Variants in CCSER1 observed in about 807,000 individuals in gnomAD.
The protein encoded by CCSER1 is serine-rich coiled-coil domain-containing protein 1.
CCSER1 carries 41 observed loss-of-function variants against 82.0 expected under a neutral mutation model. That is an observed-to-expected ratio of 0.50 (90% CI 0.39 to 0.65). The LOEUF is 0.65. CCSER1 is among the 30% of genes least tolerant of loss of function. The probability of loss-of-function intolerance (pLI) is 0.00; values close to 1 mark genes in which losing one functional copy is unlikely to be tolerated. For synonymous variants in CCSER1, 414 were observed against 383.9 expected (o/e 1.08, Z -0.92); for missense variants, 1,119 against 1,064.2 (o/e 1.05, Z -0.72).
chr4:90,227,630 G>T (rs1010139690), intron 1 of CCSER1, among the ~76,000 whole-genome samples: 1 of 152,284 alleles, frequency 6.6e-6, no homozygotes, highest in Admixed American at 6.5e-5. Flanking sequence ...CAAGATGGCC[G>T]AATAGGAACA....
chr4:90,437,460 T>C (rs1456057831), intron 4 of CCSER1, among the ~76,000 whole-genome samples: 1 of 152,166 alleles, frequency 6.6e-6, no homozygotes, highest in Non-Finnish European at 1.5e-5. Flanking sequence ...AGCAAAAAAC[T>C]TAAATTTAGA....
chr4:90,458,007 C>A (rs1762405672), intron 4 of CCSER1, among the ~76,000 whole-genome samples: 1 of 152,182 alleles, frequency 6.6e-6, no homozygotes, highest in Non-Finnish European at 1.5e-5. Context: ...TGTGCATACC[C>A]AGCAGGGTCA....
intron 6 of CCSER1, among the ~76,000 whole-genome samples, chr4:90,708,627 ATTAT>A (rs1397406632): frequency 6.6e-6 from 1 of 152,078 alleles, no homozygotes; most frequent in Non-Finnish European, 1.5e-5. Context: ...CTTTGTCTTT[ATTAT>A]TTATTTATGT....
At chr4:91,264,239 CT>C (rs1280030483) in intron 10 of CCSER1, among the ~76,000 whole-genome samples, 5 of 151,638 alleles carry the variant, frequency 3.3e-5, no homozygotes, top group African/African-American at 1.2e-4. Flanking sequence ...GTGCTGCCAT[CT>C]TTGCTTGAGT....
chr4:91,133,275 T>C lies in CCSER1; in HGVS notation c.2217+47281T>C, dbSNP rs959371185. 2.6e-5 allele frequency among the ~76,000 whole-genome samples: 4 copies of C among 152,158 alleles called. No individual in the cohort carries two copies. The South Asian group carries it at 8.3e-4, about 31-fold the overall frequency. On this transcript the variant is annotated intron_variant, in intron 10 of 10. Transcript: ENST00000509176. ...TTTTTCTTGTTTTCTTTCCTTTTTC[T>C]TTCATTCCTTTGAAGTAGGGTCTGG...
intron 10 of CCSER1, among the ~76,000 whole-genome samples, chr4:91,349,596 T>C (rs188736923): frequency 6.6e-6 from 1 of 152,316 alleles, no homozygotes; most frequent in East Asian, 1.9e-4. Flanking sequence ...GTTTGTTTAC[T>C]TTATGGTAAA....
At chr4:90,582,003 A>AT (rs573573963) in intron 5 of CCSER1, among the ~76,000 whole-genome samples, 44 of 151,640 alleles carry the variant, frequency 2.9e-4, no homozygotes, top group South Asian at 2.7e-3. Context: ...TAGCTGAGTG[A>AT]TTTTTTTCTT....
intron 1 of CCSER1, among the ~76,000 whole-genome samples, chr4:90,250,405 G>A (rs1179612791): frequency 1.3e-5 from 2 of 152,006 alleles, no homozygotes; most frequent in Non-Finnish European, 2.9e-5. Context: ...TTTGTGTAGA[G>A]TGCAGGAAAA....
intron 10 of CCSER1, among the ~76,000 whole-genome samples, chr4:91,277,197 A>AT: frequency 6.6e-6 from 1 of 152,144 alleles, no homozygotes; most frequent in Middle Eastern, 3.4e-3. Flanking sequence ...TCTTGTAAAT[A>AT]TTTTTGAATA....
At chr4:91,418,633 A>G (rs1373611483) in intron 10 of CCSER1, among the ~76,000 whole-genome samples, 2 of 151,970 alleles carry the variant, frequency 1.3e-5, no homozygotes, top group Non-Finnish European at 2.9e-5. Flanking sequence ...TTACAGGTTA[A>G]CTCTACCAAG....
intron 10 of CCSER1, among the ~76,000 whole-genome samples, chr4:91,329,225 A>AATATTTTG (rs1553924760): frequency 6.6e-6 from 1 of 151,450 alleles, no homozygotes; most frequent in Non-Finnish European, 1.5e-5. Context: ...TAAAGGGAAA[A>AATATTTTG]ATATTTTGAA....
At chr4:90,532,441 C>A (rs552521981) in intron 5 of CCSER1, among the ~76,000 whole-genome samples, 1 of 152,036 alleles carries the variant, frequency 6.6e-6, no homozygotes, top group East Asian at 1.9e-4. Context: ...GCTTTTATAC[C>A]CACTTTCTAC....
intron 3 of CCSER1, among the ~76,000 whole-genome samples, chr4:90,324,710 G>A (rs374534596): frequency 8.7e-4 from 133 of 152,068 alleles, no homozygotes; most frequent in East Asian, 2.1e-3. Flanking sequence ...TTTTGTTGCC[G>A]TTGCTTTTGG....
intron 8 of CCSER1, among the ~76,000 whole-genome samples, chr4:90,852,859 A>T (rs1309276898): frequency 6.6e-6 from 1 of 152,172 alleles, no homozygotes. Context: ...AAAGAAACTG[A>T]TATCTTACTA....
chr4:91,584,985 C>T (rs974658356), intron 10 of CCSER1, among the ~76,000 whole-genome samples: 1 of 151,348 alleles, frequency 6.6e-6, no homozygotes, highest in African/African-American at 2.4e-5. Flanking sequence ...AATTATGTAA[C>T]CTTTCTAAAA....
At position 91,526,872 on chromosome 4, in the gene CCSER1, C is replaced by T. The variant is rs549794669; in HGVS notation, c.2218-71700C>T. Among the ~76,000 whole-genome samples the T allele has an allele frequency of 2.4e-4, 37 of 152,176 alleles. No homozygotes were observed. The South Asian group carries it at 6.9e-3, about 28-fold the overall frequency. The stretch of plus-strand genomic sequence containing the variant: ...CCTCCCAAAGTGCTGAGATTATAGG[C>T]GTGGGCCACTGTGCCTGGCCCAGAT... On this transcript the variant is annotated intron_variant, in intron 10 of 10. Coordinates refer to ENST00000509176, the MANE Select transcript of CCSER1 (RefSeq NM_001145065.2).
intron 5 of CCSER1, among the ~76,000 whole-genome samples, chr4:90,548,821 A>G (rs1777109100): frequency 6.6e-6 from 1 of 151,850 alleles, no homozygotes; most frequent in Admixed American, 6.6e-5. Context: ...ATAAGTGATT[A>G]CTCTGTACTA....
At chr4:90,142,131 G>A (rs1254790776) in intron 1 of CCSER1, among the ~76,000 whole-genome samples, 1 of 152,124 alleles carries the variant, frequency 6.6e-6, no homozygotes, top group African/African-American at 2.4e-5. Context: ...AATGAATATG[G>A]ATTTGTCTGC....
At chr4:91,049,197 A>G (rs1459590812) in intron 9 of CCSER1, among the ~76,000 whole-genome samples, 2 of 152,184 alleles carry the variant, frequency 1.3e-5, no homozygotes, top group African/African-American at 4.8e-5. Flanking sequence ...TGTTTATTCT[A>G]GGGTATTAGT....
Sources: allele counts gnomAD v4.1 joint callset (sites outside exome capture counted in the v4.1 genomes callset), GRCh38; gene constraint gnomAD v4.1.1; transcripts MANE v1.5; gene names NCBI Gene and HGNC (gene_info 2026-07-23, HGNC 2026-07-21).